Variants in TBX2 observed in about 807,000 individuals in gnomAD.
The protein encoded by TBX2 is T-box transcription factor TBX2.
Under a neutral mutation model 48.4 loss-of-function variants are expected in TBX2, and 19 were observed. The ratio of observed to expected loss-of-function variants is 0.39; its 90% CI spans 0.27 to 0.58. The LOEUF (loss-of-function observed/expected upper bound fraction) is 0.58, where lower values mean the gene tolerates loss of function less well. Ranked by LOEUF, TBX2 falls within the 20% of genes least tolerant of loss-of-function variation. The probability of loss-of-function intolerance (pLI) is 0.54; values close to 1 mark genes in which losing one functional copy is unlikely to be tolerated. For synonymous variants in TBX2, 522 were observed against 459.7 expected (o/e 1.14, Z -1.73); for missense variants, 994 against 1,006.5 (o/e 0.99, Z 0.17).
In TBX2 at chr17:61,403,159, G is replaced by A. The variant is rs961711136; in HGVS notation, c.762G>A (p.Val254=). ...CTTACAGCACCTTCCGCACCTACGT[G>A]TTCCCGGAGACCGACTTCATCGCCG... ...KLPYSTFRTY[V]FPETDFIAVT... is the part of the protein sequence containing the mutation. The change falls in exon 3 of 7, where the codon GTG becomes GTA. Residue 254 remains valine (V), a synonymous_variant. Coordinates refer to ENST00000240328, the MANE Select transcript of TBX2 (RefSeq NM_005994.4). This position sits in a 1 kb window ranked among gnomAD's most constrained non-coding sequence, Gnocchi z 5.8. 2 of 1,613,524 alleles carry A rather than the reference G, an allele frequency of 1.2e-6. No homozygotes were observed. Among genetic ancestry groups the A allele is most frequent in the South Asian group, 1.1e-5 (1 of 91,076 alleles).
chr17:61,401,815 G>A lies in TBX2; in HGVS notation c.527G>A (p.Gly176Asp), dbSNP rs754291720. The change falls in exon 2 of 7, where the codon GGC becomes GAC. Residue 176 changes from glycine (G) to aspartate (D), a missense_variant. By Grantham distance (94) the Gly-to-Asp change is moderately conservative (BLOSUM62 -1). Around this residue, in one of 5 missense-constraint regions of TBX2, gnomAD observed 153 missense variants for 166.2 expected, o/e 0.92. Transcript: ENST00000240328. ...KFHNSRWMVA[G>D]KADPEMPKRM... ...CACAACTCGCGCTGGATGGTGGCGG[G>A]CAAGGCCGACCCTGAGATGCCCAAA... is the stretch of plus-strand genomic sequence containing the variant. The A allele has an allele frequency of 1.2e-6, 2 of 1,613,148 alleles. No homozygotes were observed. Among genetic ancestry groups the A allele is most frequent in the Non-Finnish European group, 1.7e-6 (2 of 1,180,028 alleles).
Position 61,406,087 on chromosome 17 carries a change from C to T in TBX2, c.1686+251C>T, listed in dbSNP as rs930121185. The T allele has an allele frequency of 2.6e-6, 1 of 380,740 alleles. No homozygotes were observed. The highest frequency in any genetic ancestry group is 4.6e-6 in the Non-Finnish European group (1 of 216,640). The allele number at this position is 380,740 out of a possible 1,614,324, so 23.6% of individuals were successfully genotyped here. A position where few individuals can be genotyped will look rare whatever the true frequency, so the allele number is the denominator to read the frequency against. On this transcript the variant is annotated intron_variant, in intron 6 of 6. Coordinates refer to ENST00000240328, the MANE Select transcript of TBX2 (RefSeq NM_005994.4). This position sits in a 1 kb window ranked among gnomAD's most constrained non-coding sequence, Gnocchi z 5.7. ...GTGTGACCTTTGGCAAGTCCCTGAC[C>T]CTCTCTGGGCCTGCTTCCTTCCCTA...
At position 61,405,378 on chromosome 17, in the gene TBX2, G is replaced by C. The variant is rs760370525; in HGVS notation, c.1228G>C (p.Glu410Gln). The change falls in exon 6 of 7, where the codon GAG becomes CAG. Residue 410 changes from glutamate (E) to glutamine (Q), a missense_variant. By Grantham distance (29) the Glu-to-Gln change is conservative. Around this residue, in one of 5 missense-constraint regions of TBX2, gnomAD observed 639 missense variants for 613.2 expected, o/e 1.04. Transcript: ENST00000240328. The part of the protein sequence containing the change: ...RSPERGKEPA[E>Q]SGGDGPFGLR... Reference sequence around the variant, plus strand: ...TCCCGAGAGGGGCAAGGAGCCGGCCGAGAGCGGCGGGGACGGCCCGTTCGG... The same window carrying C: ...TCCCGAGAGGGGCAAGGAGCCGGCCCAGAGCGGCGGGGACGGCCCGTTCGG... 6.5e-7 allele frequency: 1 copy of C among 1,544,124 alleles called. No homozygotes were observed. Among genetic ancestry groups the C allele is most frequent in the Non-Finnish European group, 8.7e-7 (1 of 1,148,842 alleles).
intron 2 of TBX2, 146 bp from the exon 3 acceptor site, chr17:61,402,915 A>G: frequency 1.1e-6 from 1 of 897,172 alleles, no homozygotes; most frequent in Non-Finnish European, 1.6e-6. Context: ...GAAAATGGGG[A>G]AGAGGAAGAA....
At position 61,403,103 on chromosome 17, in the gene TBX2, A is replaced by G. The variant is rs1468757353; in HGVS notation, c.706A>G (p.Ile236Val). 4 of 1,613,714 alleles carry G rather than the reference A, an allele frequency of 2.5e-6. No individual in the cohort carries two copies. The highest frequency in any genetic ancestry group is 3.4e-6 in the Non-Finnish European group (4 of 1,180,010). The change falls in exon 3 of 7, where the codon ATA becomes GTA. Residue 236 changes from isoleucine to valine, a missense_variant. Transcript: ENST00000240328. This position sits in a 1 kb window ranked among gnomAD's most constrained non-coding sequence, Gnocchi z 5.8. ...SMHKYQPRFHIVRANDILKLP... is the reference protein window; with the variant it reads ...SMHKYQPRFHVVRANDILKLP... The stretch of plus-strand genomic sequence containing the variant: ...GCACAAGTACCAGCCGCGCTTCCAC[A>G]TAGTGCGAGCCAACGACATCCTGAA...
intron 3 of TBX2, among the ~76,000 whole-genome samples, chr17:61,404,054 G>A (rs981876013): frequency 6.6e-6 from 1 of 152,242 alleles, no homozygotes; most frequent in African/African-American, 2.4e-5. Context: ...GCAGCCTTGC[G>A]TGTGAACTGC....
rs1569017408 is a variant in TBX2, at chr17:61,406,752, G to GAA, written c.1686+916_1686+917insAA. Reference sequence around the variant, plus strand: ...TGGGTTGGTGGGTGGGGGGGTGGGGGGTTGGGAGGCAGGCGATTCTGAAAT... The same window carrying GAA: ...TGGGTTGGTGGGTGGGGGGGTGGGGGAAGTTGGGAGGCAGGCGATTCTGAAAT... On this transcript the variant is annotated intron_variant, in intron 6 of 6. Transcript: ENST00000240328. This position sits in a 1 kb window ranked among gnomAD's most constrained non-coding sequence, Gnocchi z 5.7. The GAA allele has an allele frequency of 6.9e-6, 1 of 144,260 alleles. No homozygotes were observed. Among genetic ancestry groups the GAA allele is most frequent in the East Asian group, 2.0e-4 (1 of 4,978 alleles). The allele number at this position is 144,260 out of a possible 1,614,324, so 8.9% of individuals were successfully genotyped here.
chr17:61,403,010 A>T lies in TBX2; in HGVS notation c.664-51A>T, dbSNP rs1569015460. On this transcript the variant is annotated intron_variant, in intron 2 of 6. Coordinates refer to ENST00000240328, the MANE Select transcript of TBX2 (RefSeq NM_005994.4). The surrounding 1 kb of genome is among the most constrained non-coding windows in gnomAD (Gnocchi z 5.8). ...GAGGTCAGGTACCCAAAGAATAGAA[A>T]AGCTCGGGCCGGGGCTGGTGGCTGC... 6.4e-7 allele frequency: 1 copy of T among 1,561,882 alleles called. No individual in the cohort carries two copies. The highest frequency in any genetic ancestry group is 2.4e-5 in the East Asian group (1 of 41,134).
Position 61,400,194 on chromosome 17 carries a change from G to A in TBX2, c.18G>A (p.Leu6=). MREPA[L]AASAMAYHPF... is the part of the protein sequence containing the mutation. ...ATGTCCCGATGAGAGAGCCGGCGCT[G>A]GCGGCCAGCGCCATGGCTTACCACC... The change falls in exon 1 of 7, where the codon CTG becomes CTA. Residue 6 remains leucine, a synonymous_variant. Transcript: ENST00000240328. The surrounding 1 kb of genome is among the most constrained non-coding windows in gnomAD (Gnocchi z 9.2). 3 of 1,148,782 alleles carry A rather than the reference G, an allele frequency of 2.6e-6. No individual in the cohort carries two copies. The highest frequency in any genetic ancestry group is 3.3e-6 in the Non-Finnish European group (3 of 919,386). The allele number at this position is 1,148,782 out of a possible 1,614,324, so 71.2% of individuals were successfully genotyped here.
intron 6 of TBX2, 77 bp downstream of exon 6, chr17:61,405,913 T>G (rs1193115983): frequency 8.1e-7 from 1 of 1,237,432 alleles, no homozygotes; most frequent in Non-Finnish European, 1.0e-6. Flanking sequence ...GCGGAGGGCC[T>G]GAGGGGTGCC....
Position 61,403,026 on chromosome 17 carries a change from T to C in TBX2, c.664-35T>C. ...AGAATAGAAAAGCTCGGGCCGGGGC[T>C]GGTGGCTGCCGGCTGACCCCCACCC... On this transcript the variant is annotated intron_variant, in intron 2 of 6. Coordinates refer to ENST00000240328, the MANE Select transcript of TBX2 (RefSeq NM_005994.4). The surrounding 1 kb of genome is among the most constrained non-coding windows in gnomAD (Gnocchi z 5.8). The C allele has an allele frequency of 6.3e-7, 1 of 1,586,226 alleles. No individual in the cohort carries two copies. Among genetic ancestry groups the C allele is most frequent in the Non-Finnish European group, 8.6e-7 (1 of 1,169,396 alleles).
chr17:61,405,495 C>T lies in TBX2; in HGVS notation c.1345C>T (p.Pro449Ser). The part of the protein sequence containing the change: ...AAEGKEQGLA[P>S]LVVQTDSASP... ...CGAGGGCAAGGAGCAGGGCCTGGCG[C>T]CGCTGGTGGTGCAGACAGACAGTGC... The change falls in exon 6 of 7, where the codon CCG becomes TCG. Residue 449 changes from proline to serine, a missense_variant. By Grantham distance (74) the Pro-to-Ser change is moderately conservative (BLOSUM62 -1). Transcript: ENST00000240328. 1 of 1,581,262 alleles carries T rather than the reference C, an allele frequency of 6.3e-7. No homozygotes were observed. The highest frequency in any genetic ancestry group is 1.2e-5 in the South Asian group (1 of 86,884).
At position 61,400,823 on chromosome 17, in the gene TBX2, T is replaced by A. The variant is rs934145109; in HGVS notation, c.395+252T>A. On this transcript the variant is annotated intron_variant, in intron 1 of 6. Transcript: ENST00000240328. This position sits in a 1 kb window ranked among gnomAD's most constrained non-coding sequence, Gnocchi z 9.2. ...AAAACGAAAACATACTGCTAAAGAA[T>A]AGCCCCAACCGTTCTGAGTCCCAGC... Among the ~76,000 whole-genome samples, 7 of 152,288 alleles carry A rather than the reference T, an allele frequency of 4.6e-5. 1 individual carries two copies. In the South Asian group the frequency reaches 1.0e-3, roughly 23 times the overall value.
In TBX2 at chr17:61,403,298, C is replaced by G; in HGVS notation, c.810+91C>G. ...GTCCGTTCATCGCCCCTCGAAGCCCCCTGCACGGGATCCGCGCTCTTGCGG... is the reference window on the plus strand; with the variant it reads ...GTCCGTTCATCGCCCCTCGAAGCCCGCTGCACGGGATCCGCGCTCTTGCGG... On this transcript the variant is annotated intron_variant, in intron 3 of 6. Transcript: ENST00000240328. This position sits in a 1 kb window ranked among gnomAD's most constrained non-coding sequence, Gnocchi z 5.8. 3.9e-6 allele frequency: 6 copies of G among 1,543,548 alleles called. No homozygotes were observed. The highest frequency in any genetic ancestry group is 3.5e-5 in the South Asian group (3 of 84,844).
rs1289997102 is a variant in TBX2, at chr17:61,403,298, C to T, written c.810+91C>T. 1.3e-6 allele frequency: 2 copies of T among 1,543,548 alleles called. No individual in the cohort carries two copies. The highest frequency in any genetic ancestry group is 8.7e-7 in the Non-Finnish European group (1 of 1,153,012). On this transcript the variant is annotated intron_variant, in intron 3 of 6. Transcript: ENST00000240328. This position sits in a 1 kb window ranked among gnomAD's most constrained non-coding sequence, Gnocchi z 5.8. ...GTCCGTTCATCGCCCCTCGAAGCCCCCTGCACGGGATCCGCGCTCTTGCGG... is the reference window on the plus strand; with the variant it reads ...GTCCGTTCATCGCCCCTCGAAGCCCTCTGCACGGGATCCGCGCTCTTGCGG...
rs2060298636 is a variant in TBX2 at position 61,408,739 on chromosome 17, G to C, written c.*233G>C. 7.1e-6 allele frequency: 3 copies of C among 422,454 alleles called. No individual in the cohort carries two copies. In the East Asian group the frequency reaches 1.1e-4, roughly 15 times the overall value. 26.2% of individuals were successfully genotyped at this position (422,454 alleles called of 1,614,324 possible). On this transcript the variant is annotated 3_prime_UTR_variant, in exon 7 of 7. Coordinates refer to ENST00000240328, the MANE Select transcript of TBX2 (RefSeq NM_005994.4). ...CTTGGGAGCTGCTGGGCTAGGTCCA[G>C]ATCCGCTCCAGCGTCAAGGTGGCAT...
chr17:61,402,060 C>A (rs1176350250), intron 2 of TBX2, 109 bp downstream of exon 2: 7 of 1,454,772 alleles, frequency 4.8e-6, no homozygotes, highest in Admixed American at 2.4e-5. Context: ...GCTGGGCAAA[C>A]CCCCAGAGTG....
At chr17:61,401,609 A>C (rs1449884128) in intron 1 of TBX2, 75 bp from the exon 2 acceptor site, 22 of 1,529,114 alleles carry the variant, frequency 1.4e-5, no homozygotes, top group Non-Finnish European at 1.8e-5. Flanking sequence ...AGGAGGGATA[A>C]ATAAAGGAGG....
Position 61,408,166 on chromosome 17 carries a change from CCGCAGCCGCCGG to C in TBX2, c.1801_1812del (p.Ala601_Gly604del). The C allele has an allele frequency of 6.2e-7, 1 of 1,612,446 alleles. No individual in the cohort carries two copies. The highest frequency in any genetic ancestry group is 8.5e-7 in the Non-Finnish European group (1 of 1,179,734). ...GCCACTAGTGCTGCAGCTGCCGCCGCCGCAGCCGCCGGCTCCCTCTCCCGGAGCCCCTTCCTG... is the reference window on the plus strand; with the variant it reads ...GCCACTAGTGCTGCAGCTGCCGCCGCCTCCCTCTCCCGGAGCCCCTTCCTG... On this transcript the variant is annotated inframe_deletion, in exon 7 of 7. Transcript: ENST00000240328.
Sources: allele counts gnomAD v4.1 joint callset (sites outside exome capture counted in the v4.1 genomes callset), GRCh38; gene constraint gnomAD v4.1.1; regional missense constraint gnomAD v4.1.1; non-coding constraint Gnocchi (gnomAD v3.1); transcripts MANE v1.5; gene names NCBI Gene and HGNC (gene_info 2026-07-23, HGNC 2026-07-21).